Variants in CFAP299 observed in about 807,000 individuals in gnomAD.
CFAP299 encodes the protein cilia and flagella associated protein 299.
CFAP299 carries 21 observed loss-of-function variants against 27.0 expected under a neutral mutation model. The observed-to-expected ratio is 0.78, with a 90% CI of 0.55 to 1.12. The LOEUF (loss-of-function observed/expected upper bound fraction) is 1.12, where lower values mean the gene tolerates loss of function less well. CFAP299 is among the 50% of genes most tolerant of loss of function. The pLI is 0.00. For synonymous variants in CFAP299, 104 were observed against 98.1 expected (o/e 1.06, Z -0.36); for missense variants, 310 against 276.6 (o/e 1.12, Z -0.86).
At chr4:80,390,350 A>G (rs72860772) in intron 2 of CFAP299, among the ~76,000 whole-genome samples, 29,098 of 151,500 alleles carry the variant, frequency 0.19, 2,964 homozygotes, top group South Asian at 0.29. Flanking sequence ...TATTCCACAT[A>G]TAAGTGAGAT....
intron 2 of CFAP299, among the ~76,000 whole-genome samples, chr4:80,491,420 A>G (rs1300857161): frequency 6.6e-6 from 1 of 152,178 alleles, no homozygotes; most frequent in Non-Finnish European, 1.5e-5. Context: ...AGAGCAACGT[A>G]TATACATATA....
chr4:80,755,248 A>T (rs1725168801), intron 3 of CFAP299, among the ~76,000 whole-genome samples: 1 of 152,100 alleles, frequency 6.6e-6, no homozygotes, highest in East Asian at 1.9e-4. Context: ...GCCAAGACAC[A>T]TTAGGCTGCA....
intron 2 of CFAP299, among the ~76,000 whole-genome samples, chr4:80,562,370 G>A (rs1056328358): frequency 2.0e-5 from 3 of 151,978 alleles, no homozygotes; most frequent in African/African-American, 7.2e-5. Flanking sequence ...GGCCAAGGAG[G>A]GCAGATCACT....
intron 3 of CFAP299, among the ~76,000 whole-genome samples, chr4:80,696,142 A>C (rs527275982): frequency 6.6e-6 from 1 of 152,140 alleles, no homozygotes; most frequent in South Asian, 2.1e-4. Context: ...TCTACTAAAA[A>C]TACAAAAAAT....
chr4:80,545,856 G>A (rs2110203724), intron 2 of CFAP299, among the ~76,000 whole-genome samples: 1 of 151,960 alleles, frequency 6.6e-6, no homozygotes, highest in South Asian at 2.1e-4. Context: ...AACAAAATAC[G>A]ATTAATAGTA....
At chr4:80,552,593 T>C (rs74594183) in intron 2 of CFAP299, among the ~76,000 whole-genome samples, 2,460 of 152,100 alleles carry the variant, frequency 0.016, 146 homozygotes, top group Admixed American at 0.12. Flanking sequence ...GAGAGGAAAA[T>C]GATTATGGAA....
intron 3 of CFAP299, among the ~76,000 whole-genome samples, chr4:80,649,478 C>A (rs1295864005): frequency 6.6e-6 from 1 of 152,066 alleles, no homozygotes; most frequent in Non-Finnish European, 1.5e-5. Flanking sequence ...TGAAAGGATG[C>A]AATGCAAAAT....
intron 2 of CFAP299, among the ~76,000 whole-genome samples, chr4:80,572,598 A>G (rs1578616948): frequency 3.1e-5 from 4 of 129,546 alleles, no homozygotes. Flanking sequence ...ACTCACTGCA[A>G]CCTCCGCCTC....
the CFAP299 span, among the ~76,000 whole-genome samples, chr4:80,330,185 A>G: frequency 6.6e-6 from 1 of 152,144 alleles, no homozygotes; most frequent in African/African-American, 2.4e-5. Context: ...TTTCTTAAGT[A>G]CATCTCCCCT....
intron 2 of CFAP299, among the ~76,000 whole-genome samples, chr4:80,404,015 G>A (rs1334187009): frequency 6.6e-6 from 1 of 152,076 alleles, no homozygotes; most frequent in African/African-American, 2.4e-5. Context: ...TATGATACCC[G>A]TGGCCTAGCC....
At chr4:80,788,731 T>C (rs1560752277) in intron 3 of CFAP299, among the ~76,000 whole-genome samples, 1 of 151,974 alleles carries the variant, frequency 6.6e-6, no homozygotes, top group Non-Finnish European at 1.5e-5. Context: ...CCAGCTTCTC[T>C]GGGGGTGAGG....
At chr4:80,919,761 G>A (rs1209653676) in intron 4 of CFAP299, among the ~76,000 whole-genome samples, 3 of 152,044 alleles carry the variant, frequency 2.0e-5, no homozygotes, top group Non-Finnish European at 4.4e-5. Context: ...TGATACTACT[G>A]TGTATAGATC....
chr4:80,654,242 A>G, intron 3 of CFAP299, among the ~76,000 whole-genome samples: 1 of 152,160 alleles, frequency 6.6e-6, no homozygotes. Flanking sequence ...AAATAGATAA[A>G]GTGCATTCAG....
chr4:80,607,901 G>T (rs575486883), intron 3 of CFAP299, among the ~76,000 whole-genome samples: 1 of 152,120 alleles, frequency 6.6e-6, no homozygotes, highest in Non-Finnish European at 1.5e-5. Flanking sequence ...CTTTCATAGT[G>T]GGGCCAACTT....
intron 3 of CFAP299, among the ~76,000 whole-genome samples, chr4:80,686,372 G>C (rs1453460870): frequency 6.6e-6 from 1 of 152,128 alleles, no homozygotes; most frequent in Non-Finnish European, 1.5e-5. Flanking sequence ...CAGGCCACTT[G>C]GTGGATTATG....
At chr4:80,681,456 A>G (rs1445088772) in intron 3 of CFAP299, among the ~76,000 whole-genome samples, 1 of 152,130 alleles carries the variant, frequency 6.6e-6, no homozygotes, top group Non-Finnish European at 1.5e-5. Context: ...ATCAATGAAG[A>G]AAAGAAGTTG....
intron 2 of CFAP299, among the ~76,000 whole-genome samples, chr4:80,552,777 T>C (rs1734588008): frequency 6.6e-6 from 1 of 152,098 alleles, no homozygotes; most frequent in African/African-American, 2.4e-5. Flanking sequence ...AGCCTCATAC[T>C]CCTTCACTCA....
intron 3 of CFAP299, among the ~76,000 whole-genome samples, chr4:80,617,760 A>G (rs979207542): frequency 2.0e-5 from 3 of 152,174 alleles, no homozygotes; most frequent in African/African-American, 7.2e-5. Context: ...GAACTAAGGG[A>G]TAACCAATGT....
chr4:80,725,662 G>T (rs1011804635), intron 3 of CFAP299, among the ~76,000 whole-genome samples: 1 of 152,154 alleles, frequency 6.6e-6, no homozygotes, highest in Non-Finnish European at 1.5e-5. Context: ...TATAAAAAGG[G>T]TGCAGGTACA....
Sources: gnomAD v4.1 joint callset for allele counts (sites outside exome capture counted in the v4.1 genomes callset) on GRCh38, gnomAD v4.1.1 for gene constraint, MANE v1.5 for transcripts, NCBI Gene and HGNC (gene_info 2026-07-23, HGNC 2026-07-21) for gene names.